Variants in CDK13 observed in about 807,000 individuals in gnomAD.
CDK13 encodes the protein cyclin dependent kinase 13, also known as cyclin-dependent kinase 13.
In CDK13, 40 loss-of-function variants were observed where a neutral mutation model predicts 137.6. That is an observed-to-expected ratio of 0.29 (90% confidence interval 0.23 to 0.38). The LOEUF (loss-of-function observed/expected upper bound fraction) is 0.38. Ranked by LOEUF, CDK13 falls within the 10% of genes least tolerant of loss-of-function variation. The probability of loss-of-function intolerance (pLI) is 1.00; values close to 1 mark genes in which losing one functional copy is unlikely to be tolerated. For synonymous variants in CDK13, 869 were observed against 760.1 expected (o/e 1.14, Z -2.36); for missense variants, 1,704 against 1,951.8 (o/e 0.87, Z 2.39).
intron 1 of CDK13, among the ~76,000 whole-genome samples, chr7:39,968,888 A>G (rs1411798920): frequency 2.0e-5 from 3 of 152,208 alleles, no homozygotes; most frequent in Non-Finnish European, 1.5e-5. Context: ...CTTACCGTAT[A>G]TCCTGATCAC....
intron 1 of CDK13, among the ~76,000 whole-genome samples, chr7:39,959,264 C>T (rs906518195): frequency 6.6e-6 from 1 of 151,514 alleles, no homozygotes; most frequent in African/African-American, 2.4e-5. Flanking sequence ...CGGGTTCAAG[C>T]GATTCTCCTT....
chr7:40,082,748 G>C (rs1223211316), intron 11 of CDK13, among the ~76,000 whole-genome samples: 7 of 148,328 alleles, frequency 4.7e-5, no homozygotes, highest in African/African-American at 1.7e-4. Flanking sequence ...CCAAGATCTT[G>C]CCGCTGCACT....
Position 40,012,389 on chromosome 7 carries a change from A to G in CDK13, c.2353+10358A>G, listed in dbSNP as rs188739544. Among the ~76,000 whole-genome samples the G allele has an allele frequency of 1.9e-3, 286 of 152,220 alleles. 1 individual carries two copies. Among genetic ancestry groups the G allele is most frequent in the African/African-American group, 6.6e-3 (274 of 41,536 alleles). Reference sequence around the variant, plus strand: ...CAAGGTGGGAGGATAACCTGAGGCCAGGAGTTCAAGACCAGCCTGGGCAAC... The same window carrying G: ...CAAGGTGGGAGGATAACCTGAGGCCGGGAGTTCAAGACCAGCCTGGGCAAC... On this transcript the variant is annotated intron_variant, in intron 5 of 13. Transcript: ENST00000181839.
At chr7:39,969,863 A>G (rs1471692547) in intron 1 of CDK13, among the ~76,000 whole-genome samples, 3 of 152,194 alleles carry the variant, frequency 2.0e-5, no homozygotes, top group South Asian at 4.1e-4. Flanking sequence ...TGTCTTACTA[A>G]AGTTGTAAGA....
At chr7:40,014,157 C>G (rs1047827145) in intron 5 of CDK13, among the ~76,000 whole-genome samples, 1 of 147,052 alleles carries the variant, frequency 6.8e-6, no homozygotes, top group African/African-American at 2.5e-5. Flanking sequence ...CAGTCTCCGA[C>G]TCCCGGGTTC....
intron 1 of CDK13, among the ~76,000 whole-genome samples, chr7:39,979,365 C>T (rs1041296556): frequency 2.0e-5 from 3 of 151,784 alleles, no homozygotes; most frequent in African/African-American, 7.3e-5. Context: ...TACAGGCATG[C>T]GCCACCACAC....
intron 5 of CDK13, 171 bp downstream of exon 5, chr7:40,002,202 G>C: frequency 2.1e-6 from 1 of 480,558 alleles, no homozygotes; most frequent in Non-Finnish European, 3.6e-6. Context: ...TTACTTTAGT[G>C]GTTTTTGAGT....
intron 5 of CDK13, among the ~76,000 whole-genome samples, chr7:40,014,889 T>C (rs369295166): frequency 2.0e-5 from 3 of 152,234 alleles, no homozygotes; most frequent in African/African-American, 7.2e-5. Flanking sequence ...TTGAGTAACA[T>C]TGAAAGCTGT....
At chr7:39,980,370 G>C (rs17171636) in intron 1 of CDK13, among the ~76,000 whole-genome samples, 15,913 of 152,124 alleles carry the variant, frequency 0.1, 2,735 homozygotes, top group African/African-American at 0.36. Flanking sequence ...GATTAGAGTG[G>C]AAGAAAATTT....
At position 40,097,998 on chromosome 7, in the gene CDK13, T is replaced by A. The variant is rs1227178917; in HGVS notation, c.*3018T>A. On this transcript the variant is annotated 3_prime_UTR_variant, in exon 14 of 14. Transcript: ENST00000181839. ...TTCAGTGTGCTGACAGTGAGCAAGA[T>A]TTTTTTAAATGTCTGGAGAAGTTAG... is the stretch of plus-strand genomic sequence containing the variant. 6.6e-6 allele frequency: 1 copy of A among 152,094 alleles called. No individual in the cohort carries two copies. The highest frequency in any genetic ancestry group is 1.5e-5 in the Non-Finnish European group (1 of 67,976). The allele number at this position is 152,094 out of a possible 1,614,324, so 9.4% of individuals were successfully genotyped here.
At chr7:39,988,548 G>C (rs1289110630) in intron 2 of CDK13, among the ~76,000 whole-genome samples, 1 of 152,080 alleles carries the variant, frequency 6.6e-6, no homozygotes, top group East Asian at 1.9e-4. Context: ...CTTTGGTTTA[G>C]TTTTCCTTGA....
At chr7:39,964,310 C>T (rs1783818960) in intron 1 of CDK13, among the ~76,000 whole-genome samples, 1 of 152,158 alleles carries the variant, frequency 6.6e-6, no homozygotes, top group African/African-American at 2.4e-5. Flanking sequence ...TGTTATTGGT[C>T]TATTCAGATA....
At position 39,950,839 on chromosome 7, in the gene CDK13, G is replaced by C. The variant is rs1787136721; in HGVS notation, c.198G>C (p.Thr66=). The change falls in exon 1 of 14, where the codon ACG becomes ACC. Residue 66 remains threonine, a synonymous_variant. Transcript: ENST00000181839. ...TGCTCTTCCTGGCTGCTCCCGGCACGGCCGCCGCCGCAGCCGCCGCCGCCG... is the reference window on the plus strand; with the variant it reads ...TGCTCTTCCTGGCTGCTCCCGGCACCGCCGCCGCCGCAGCCGCCGCCGCCG... The part of the protein sequence containing the change: ...PPLLFLAAPG[T]AAAAAAAAAA... 3 of 1,381,484 alleles carry C rather than the reference G, an allele frequency of 2.2e-6. No homozygotes were observed. The highest frequency in any genetic ancestry group is 7.6e-5 in the Admixed American group (2 of 26,172). The allele number at this position is 1,381,484 out of a possible 1,614,324, so 85.6% of individuals were successfully genotyped here.
At chr7:40,034,456 T>G (rs998333889) in intron 5 of CDK13, among the ~76,000 whole-genome samples, 3 of 152,228 alleles carry the variant, frequency 2.0e-5, no homozygotes, top group African/African-American at 7.2e-5. Context: ...AGGGCTAATT[T>G]TTTTTCTATA....
At chr7:40,020,736 T>C (rs1239698671) in intron 5 of CDK13, among the ~76,000 whole-genome samples, 1 of 152,186 alleles carries the variant, frequency 6.6e-6, no homozygotes, top group African/African-American at 2.4e-5. Context: ...ATAGGTGAAA[T>C]GCTTTGTAGG....
chr7:40,020,594 T>G (rs1316827706), intron 5 of CDK13, among the ~76,000 whole-genome samples: 2 of 152,206 alleles, frequency 1.3e-5, no homozygotes, highest in Non-Finnish European at 2.9e-5. Context: ...AGGTTACACA[T>G]ACTTCTTGCA....
At chr7:39,979,207 CTTTTTTTTCTTT>C (rs1784171815) in intron 1 of CDK13, among the ~76,000 whole-genome samples, 1 of 118,222 alleles carries the variant, frequency 8.5e-6, no homozygotes, top group African/African-American at 4.1e-5. Flanking sequence ...TTTTTTCTTT[CTTTTTTTTCTTT>C]TTTTTTTTTT....
At chr7:40,021,373 G>A (rs935471578) in intron 5 of CDK13, among the ~76,000 whole-genome samples, 1 of 151,852 alleles carries the variant, frequency 6.6e-6, no homozygotes, top group African/African-American at 2.4e-5. Context: ...TTGCATGCCT[G>A]TAGTTCCAGC....
intron 4 of CDK13, 50 bp from the exon 5 acceptor site, chr7:40,001,811 T>A: frequency 8.9e-7 from 1 of 1,125,780 alleles, no homozygotes; most frequent in Non-Finnish European, 1.3e-6. Context: ...AAGAAAAATG[T>A]CATCTGCTTT....
Sources: allele counts gnomAD v4.1 joint callset (sites outside exome capture counted in the v4.1 genomes callset), GRCh38; gene constraint gnomAD v4.1.1; transcripts MANE v1.5; gene names NCBI Gene and HGNC (gene_info 2026-07-23, HGNC 2026-07-21).